The following SLK variants were observed in gnomAD, a reference collection of about 807,000 sequenced individuals.
SLK encodes STE20 like kinase.
A neutral mutation model predicts 147.7 loss-of-function variants in SLK; 67 were observed. The ratio of observed to expected loss-of-function variants is 0.45; its 90% CI spans 0.37 to 0.56. The LOEUF (loss-of-function observed/expected upper bound fraction) is 0.56, where lower values mean the gene tolerates loss of function less well. Ranked by LOEUF, SLK falls within the 20% of genes least tolerant of loss-of-function variation. The pLI is 0.00. For synonymous variants in SLK, 441 were observed against 475.0 expected (o/e 0.93, Z 0.93); for missense variants, 1,136 against 1,438.8 (o/e 0.79, Z 3.41).
intron 13 of SLK, among the ~76,000 whole-genome samples, chr10:104,014,937 T>C (rs535099770): frequency 8.5e-5 from 13 of 152,136 alleles, no homozygotes; most frequent in Admixed American, 3.3e-4. Context: ...TGTAATCTAT[T>C]TGAAATGTGA....
chr10:103,985,744 A>C (rs1468647151), intron 1 of SLK, among the ~76,000 whole-genome samples: 1 of 152,202 alleles, frequency 6.6e-6, no homozygotes, highest in East Asian at 1.9e-4. Flanking sequence ...AATACTATAT[A>C]ATGTTAGAAA....
At chr10:104,007,866 A>G (rs534623870) in intron 11 of SLK, among the ~76,000 whole-genome samples, 1 of 151,514 alleles carries the variant, frequency 6.6e-6, no homozygotes. Flanking sequence ...GCAGGAGGAT[A>G]GTTTGAGCCC....
Position 103,992,626 on chromosome 10 carries a change from C to T in SLK, c.344C>T (p.Ala115Val). 1 of 1,126,208 alleles carries T rather than the reference C, an allele frequency of 8.9e-7. No homozygotes were observed. Among genetic ancestry groups the T allele is most frequent in the Non-Finnish European group, 1.1e-6 (1 of 873,000 alleles). The allele number at this position is 1,126,208 out of a possible 1,614,324, so 69.8% of individuals were successfully genotyped here. The change falls in exon 3 of 19, where the codon GCA becomes GTA. Residue 115 changes from alanine to valine, a missense_variant. Coordinates refer to ENST00000369755, the MANE Select transcript of SLK (RefSeq NM_014720.4). Reference protein sequence around the residue: ...WILIEFCAGGAVDAVMLELER... With the variant: ...WILIEFCAGGVVDAVMLELER... Reference sequence around the variant, plus strand: ...CTCATTGAATTTTGTGCAGGTGGAGCAGTAGATGCTGTGATGCTTGGTAAA... The same window carrying T: ...CTCATTGAATTTTGTGCAGGTGGAGTAGTAGATGCTGTGATGCTTGGTAAA...
In SLK at chr10:104,021,649, T is replaced by C. The variant is rs1484965040; in HGVS notation, c.3477T>C (p.His1159=). The change falls in exon 18 of 19, where the codon CAT becomes CAC. Residue 1159 remains histidine (H), a synonymous_variant. Coordinates refer to ENST00000369755, the MANE Select transcript of SLK (RefSeq NM_014720.4). Reference sequence around the variant, plus strand: ...AAAAATGCCACTTGTTGGTTGAGCATGAGACTCAGAAACTGAAGGAGTTAG... The same window carrying C: ...AAAAATGCCACTTGTTGGTTGAGCACGAGACTCAGAAACTGAAGGAGTTAG... The part of the protein sequence containing the change: ...QNEKCHLLVE[H]ETQKLKELDE... 2 of 1,604,926 alleles carry C rather than the reference T, an allele frequency of 1.2e-6. No homozygotes were observed. Among genetic ancestry groups the C allele is most frequent in the East Asian group, 4.5e-5 (2 of 44,668 alleles).
At chr10:104,014,935 A>G (rs368755018) in intron 13 of SLK, among the ~76,000 whole-genome samples, 2 of 151,584 alleles carry the variant, frequency 1.3e-5, no homozygotes, top group Non-Finnish European at 2.9e-5. Context: ...TGTGTAATCT[A>G]TTTGAAATGT....
chr10:103,971,684 C>CT (rs1284013971), intron 1 of SLK, among the ~76,000 whole-genome samples: 3 of 152,326 alleles, frequency 2.0e-5, no homozygotes, highest in Admixed American at 2.0e-4. Context: ...AAACTAAACT[C>CT]TTGGCTGTGT....
rs1240035141 is a variant in SLK, at chr10:103,967,224, AGGGGACGCGCGGGCCTTGCGCCGC to A, written c.-518_-495del. 4.0e-5 allele frequency: 6 copies of A among 151,722 alleles called. No individual in the cohort carries two copies. The highest frequency in any genetic ancestry group is 2.0e-4 in the South Asian group (1 of 4,944). 9.4% of individuals were successfully genotyped at this position (151,722 alleles called of 1,614,324 possible). ...CGGCGGCGGCGGCGCCCCAGACCCG[AGGGGACGCGCGGGCCTTGCGCCGC>A]GGGAGCGGACGGCGGCGGAGGAGAC... On this transcript the variant is annotated 5_prime_UTR_variant, in exon 1 of 19. Coordinates refer to ENST00000369755, the MANE Select transcript of SLK (RefSeq NM_014720.4).
chr10:104,003,761 T>G (rs1047057367), intron 9 of SLK, among the ~76,000 whole-genome samples: 2 of 152,224 alleles, frequency 1.3e-5, no homozygotes, highest in Admixed American at 1.3e-4. Context: ...ATAAACAGTG[T>G]AATATGGTTG....
intron 18 of SLK, among the ~76,000 whole-genome samples, chr10:104,023,920 C>T (rs2134540931): frequency 6.6e-6 from 1 of 152,296 alleles, no homozygotes; most frequent in African/African-American, 2.4e-5. Context: ...AGAGTATAAA[C>T]TCAGTAGAGA....
At chr10:103,995,197 T>C (rs1262699341) in intron 4 of SLK, among the ~76,000 whole-genome samples, 3 of 152,154 alleles carry the variant, frequency 2.0e-5, no homozygotes, top group Non-Finnish European at 4.4e-5. Context: ...ATGGATTTAA[T>C]TTTATTTGGT....
rs1410467015 is a variant in SLK, at chr10:104,003,303, C to G, written c.2125C>G (p.Leu709Val). ...VSQPTEPQPV[L>V]IPSININSDS... ...ACAGCCCACTGAACCTCAGCCTGTT[C>G]TAATACCCAGTATTAATATCAACTC... The change falls in exon 9 of 19, where the codon CTA becomes GTA. Residue 709 changes from leucine (L) to valine (V), a missense_variant. Transcript: ENST00000369755. 27 of 1,613,820 alleles carry G rather than the reference C, an allele frequency of 1.7e-5. No individual in the cohort carries two copies. The highest frequency in any genetic ancestry group is 2.0e-5 in the Non-Finnish European group (24 of 1,179,836).
chr10:104,009,104 T>C (rs573371612), intron 12 of SLK, among the ~76,000 whole-genome samples: 1 of 152,266 alleles, frequency 6.6e-6, no homozygotes, highest in South Asian at 2.1e-4. Flanking sequence ...TTAGCATCTT[T>C]TTTTGTCCCA....
rs1405862716 is a variant in SLK, at chr10:104,028,839, CT to C, written c.*3120del. 6.6e-6 allele frequency: 1 copy of C among 152,180 alleles called. No individual in the cohort carries two copies. The highest frequency in any genetic ancestry group is 1.5e-5 in the Non-Finnish European group (1 of 68,030). The allele number at this position is 152,180 out of a possible 1,614,324, so 9.4% of individuals were successfully genotyped here. A position where few individuals can be genotyped will look rare whatever the true frequency, so the allele number is the denominator to read the frequency against. ...ATTGTTGATTAAAGAAAATCTAGAA[CT>C]GAAGTGAAAGAAGAGAGTTCCAGTT... On this transcript the variant is annotated 3_prime_UTR_variant, in exon 19 of 19. Coordinates refer to ENST00000369755, the MANE Select transcript of SLK (RefSeq NM_014720.4).
chr10:103,971,926 CTATCTT>C (rs1374360099), intron 1 of SLK, among the ~76,000 whole-genome samples: 2 of 152,118 alleles, frequency 1.3e-5, no homozygotes, highest in Non-Finnish European at 2.9e-5. Flanking sequence ...AACCACTATC[CTATCTT>C]TAAGTTATTC....
intron 1 of SLK, among the ~76,000 whole-genome samples, chr10:103,976,414 C>G (rs1241312945): frequency 6.6e-6 from 1 of 152,122 alleles, no homozygotes; most frequent in Non-Finnish European, 1.5e-5. Flanking sequence ...TTCACTTACA[C>G]TTGGTATTGT....
At position 104,010,893 on chromosome 10, in the gene SLK, A is replaced by T; in HGVS notation, c.2862A>T (p.Gln954His). Residue 954 changes from glutamine (Q) to histidine (H), a missense_variant, in exon 13 of 19, where the codon CAA becomes CAT. Gln to His is a conservative substitution (Grantham distance 24). Transcript: ENST00000369755. ...AACGCAGGAAAGAGGAGCTTGCACA[A>T]AGCCAGCATGCTCAGGTAACAGCAG... The part of the protein sequence containing the change: ...LMKRRKEELA[Q>H]SQHAQEQEFV... The T allele has an allele frequency of 6.3e-7, 1 of 1,585,424 alleles. No homozygotes were observed. The highest frequency in any genetic ancestry group is 8.5e-7 in the Non-Finnish European group (1 of 1,171,674).
At chr10:104,006,535 G>C (rs1460333649) in intron 11 of SLK, among the ~76,000 whole-genome samples, 2 of 152,204 alleles carry the variant, frequency 1.3e-5, no homozygotes, top group Non-Finnish European at 2.9e-5. Context: ...AGAGGAAATA[G>C]TGCTGACTAG....
chr10:103,981,184 T>G (rs1286932344), intron 1 of SLK, among the ~76,000 whole-genome samples: 1 of 91,892 alleles, frequency 1.1e-5, no homozygotes, highest in African/African-American at 5.3e-5. Context: ...TAGTTGTGGG[T>G]TTTTTTTGTT....
chr10:104,009,871 G>A (rs2134512085), intron 12 of SLK, among the ~76,000 whole-genome samples: 1 of 152,014 alleles, frequency 6.6e-6, no homozygotes, highest in Admixed American at 6.5e-5. Context: ...ATTACTGATG[G>A]GAAATTTTAA....
Sources: allele counts gnomAD v4.1 joint callset (sites outside exome capture counted in the v4.1 genomes callset), GRCh38; gene constraint gnomAD v4.1.1; transcripts MANE v1.5; gene names NCBI Gene and HGNC (gene_info 2026-07-23, HGNC 2026-07-21).